The following HDAC4 variants were observed in gnomAD, a reference collection of about 807,000 sequenced individuals.
The protein encoded by HDAC4 is histone deacetylase A.
In HDAC4, 16 loss-of-function variants were observed where a neutral mutation model predicts 135.1. The ratio of observed to expected loss-of-function variants is 0.12; its 90% CI spans 0.08 to 0.18. HDAC4 has a LOEUF of 0.18. Ranked by LOEUF, HDAC4 falls within the 10% of genes least tolerant of loss-of-function variation. HDAC4 has a pLI of 1.00. For missense variants in HDAC4, 1,143 were observed against 1,511.8 expected, an observed-to-expected ratio of 0.76 and a Z score of 4.05; for synonymous variants, 685 against 653.4, an observed-to-expected ratio of 1.05 and a Z score of -0.74.
At chr2:239,375,486 C>G (rs1463834439) in intron 1 of HDAC4, among the ~76,000 whole-genome samples, 1 of 152,200 alleles carries the variant, frequency 6.6e-6, no homozygotes, top group Non-Finnish European at 1.5e-5. Flanking sequence ...GCCTGAGCGT[C>G]CTCCATGCAG....
chr2:239,375,344 A>G (rs1289967268), intron 1 of HDAC4, among the ~76,000 whole-genome samples: 4 of 144,800 alleles, frequency 2.8e-5, no homozygotes, highest in Non-Finnish European at 4.5e-5. Flanking sequence ...ATGTCCCTAA[A>G]TGTTCCCTGA....
intron 3 of HDAC4, among the ~76,000 whole-genome samples, chr2:239,217,794 C>T (rs866232954): frequency 2.6e-4 from 40 of 152,280 alleles, no homozygotes; most frequent in Middle Eastern, 6.8e-3. Context: ...GAAGCATTCA[C>T]AACAGAAAAC....
chr2:239,292,501 C>T (rs1045473797), intron 2 of HDAC4, among the ~76,000 whole-genome samples: 1 of 152,138 alleles, frequency 6.6e-6, no homozygotes, highest in Non-Finnish European at 1.5e-5. Flanking sequence ...ACCACTCCAG[C>T]GAGAAACCAG....
chr2:239,214,595 A>G lies in HDAC4; in HGVS notation c.94+21998T>C, dbSNP rs554303891. Among the ~76,000 whole-genome samples, 40 of 152,364 alleles carry G rather than the reference A, an allele frequency of 2.6e-4. No homozygotes were observed. The East Asian group carries it at 7.5e-3, about 29-fold the overall frequency. ...GGCCAGGTGAGGAGGCACCTGCAACAGCCACATGGGTGACACCTGTGGCTC... is the reference window on the plus strand; with the variant it reads ...GGCCAGGTGAGGAGGCACCTGCAACGGCCACATGGGTGACACCTGTGGCTC... On this transcript the variant is annotated intron_variant, in intron 3 of 26. Transcript: ENST00000543185.
intron 1 of HDAC4, among the ~76,000 whole-genome samples, chr2:239,387,663 T>A (rs1695913496): frequency 6.6e-6 from 1 of 152,288 alleles, no homozygotes; most frequent in South Asian, 2.1e-4. Flanking sequence ...ATACTGCAAT[T>A]CTGATCGTGT....
intron 3 of HDAC4, among the ~76,000 whole-genome samples, chr2:239,200,743 T>C (rs1445583065): frequency 2.0e-5 from 3 of 152,076 alleles, no homozygotes; most frequent in African/African-American, 7.2e-5. Context: ...GCTTTCTCTG[T>C]GTGGGGCTGG....
intron 1 of HDAC4, among the ~76,000 whole-genome samples, chr2:239,377,635 G>C (rs919666907): frequency 2.6e-5 from 4 of 152,226 alleles, no homozygotes; most frequent in Admixed American, 6.5e-5. Context: ...GTGCGGGCAG[G>C]AGGCCCCAGG....
chr2:239,229,813 A>G (rs1013963732), intron 3 of HDAC4, among the ~76,000 whole-genome samples: 16 of 152,280 alleles, frequency 1.1e-4, no homozygotes, highest in African/African-American at 3.9e-4. Context: ...CAGGCTTCAG[A>G]GAGAATAGAT....
intron 3 of HDAC4, among the ~76,000 whole-genome samples, chr2:239,192,673 G>A (rs887556141): frequency 2.6e-5 from 4 of 152,146 alleles, no homozygotes; most frequent in African/African-American, 7.2e-5. Flanking sequence ...GTCAGGTTGC[G>A]GTTCCCTCTT....
At chr2:239,176,006 C>T (rs562033670) in intron 5 of HDAC4, among the ~76,000 whole-genome samples, 3 of 152,242 alleles carry the variant, frequency 2.0e-5, no homozygotes, top group African/African-American at 7.2e-5. Flanking sequence ...GTGGGGGTCC[C>T]ATTCCTGGCC....
chr2:239,354,264 A>G (rs1339225633), intron 1 of HDAC4, among the ~76,000 whole-genome samples: 1 of 152,022 alleles, frequency 6.6e-6, no homozygotes, highest in Non-Finnish European at 1.5e-5. Context: ...TTCCTATTCC[A>G]TGTGTGGATA....
chr2:239,358,802 C>A (rs189319811), intron 1 of HDAC4, among the ~76,000 whole-genome samples: 2 of 152,304 alleles, frequency 1.3e-5, no homozygotes, highest in Non-Finnish European at 2.9e-5. Context: ...AATTCCGGTA[C>A]ACACACAAAG....
At chr2:239,093,354 A>G (rs77984125) in intron 17 of HDAC4, among the ~76,000 whole-genome samples, 12 of 152,094 alleles carry the variant, frequency 7.9e-5, no homozygotes, top group Non-Finnish European at 1.8e-4. Context: ...CTGTGTGCCC[A>G]CACTTCGGCT....
intron 2 of HDAC4, among the ~76,000 whole-genome samples, chr2:239,277,486 G>A (rs547210385): frequency 6.6e-5 from 10 of 152,336 alleles, no homozygotes; most frequent in South Asian, 2.1e-4. Flanking sequence ...TGGTCTCTGC[G>A]CTGTTGGTGC....
chr2:239,243,492 C>G (rs1575504899), intron 2 of HDAC4, among the ~76,000 whole-genome samples: 1 of 152,120 alleles, frequency 6.6e-6, no homozygotes. Context: ...TGGGGGGTTG[C>G]TGACATAGAC....
At chr2:239,323,265 G>C (rs955852322) in intron 2 of HDAC4, among the ~76,000 whole-genome samples, 50 of 152,148 alleles carry the variant, frequency 3.3e-4, no homozygotes, top group African/African-American at 1.2e-3. Context: ...GAGACAAAGA[G>C]GGAAAGAGAG....
At chr2:239,320,241 G>A (rs532683968) in intron 2 of HDAC4, among the ~76,000 whole-genome samples, 13 of 151,502 alleles carry the variant, frequency 8.6e-5, no homozygotes, top group South Asian at 2.1e-4. Context: ...AAGTTAGCTG[G>A]CGTGGTGGGA....
intron 6 of HDAC4, among the ~76,000 whole-genome samples, chr2:239,163,337 A>G (rs2042927506): frequency 6.6e-6 from 1 of 152,212 alleles, no homozygotes; most frequent in East Asian, 1.9e-4. Flanking sequence ...GAAAAATGGC[A>G]CAACATTACC....
At chr2:239,153,491 G>A (rs1453687936) in intron 7 of HDAC4, among the ~76,000 whole-genome samples, 2 of 149,910 alleles carry the variant, frequency 1.3e-5, no homozygotes, top group Non-Finnish European at 2.9e-5. Flanking sequence ...AATGAGCGAT[G>A]TCATGTGTTT....
Sources: gnomAD v4.1 joint callset for allele counts (sites outside exome capture counted in the v4.1 genomes callset) on GRCh38, gnomAD v4.1.1 for gene constraint, MANE v1.5 for transcripts, NCBI Gene and HGNC (gene_info 2026-07-23, HGNC 2026-07-21) for gene names.